C5orf24: variants seen among roughly 807,000 people sequenced by gnomAD.
The protein encoded by C5orf24 is chromosome 5 open reading frame 24, also known as UPF0461 protein C5orf24.
A neutral mutation model predicts 9.8 loss-of-function variants in C5orf24; 4 were observed. That is an observed-to-expected ratio of 0.41 (90% CI 0.20 to 0.93). C5orf24 has a LOEUF of 0.93. C5orf24 is among the 40% of genes least tolerant of loss of function. The pLI, the probability that C5orf24 is intolerant of heterozygous loss-of-function variation, is 0.33. For synonymous variants in C5orf24, 73 were observed against 81.3 expected, an observed-to-expected ratio of 0.90 and a Z score of 0.55; for missense variants, 170 against 236.9, an observed-to-expected ratio of 0.72 and a Z score of 1.85.
At chr5:134,851,128 A>G (rs995839955) in intron 1 of C5orf24, among the ~76,000 whole-genome samples, 5 of 150,796 alleles carry the variant, frequency 3.3e-5, no homozygotes, top group Admixed American at 2.7e-4. Flanking sequence ...GGGTTTTGCC[A>G]TTTTGGCCAA....
chr5:134,841,903 G>A (rs966591947), upstream of C5orf24, among the ~76,000 whole-genome samples: 2 of 152,080 alleles, frequency 1.3e-5, no homozygotes, highest in Admixed American at 6.6e-5. Flanking sequence ...AACTAAATGA[G>A]CACCTTATAG....
At chr5:134,840,684 C>T (rs1192255694), upstream of C5orf24, among the ~76,000 whole-genome samples, 1 of 152,076 alleles carries the variant, frequency 6.6e-6, no homozygotes, top group African/African-American at 2.4e-5. Context: ...CAGGCATGTG[C>T]CACCATGCCT....
intron 1 of C5orf24, among the ~76,000 whole-genome samples, chr5:134,853,236 CT>C (rs1209034333): frequency 5.3e-5 from 8 of 151,802 alleles, no homozygotes; most frequent in African/African-American, 1.7e-4. Context: ...TGGCACATGC[CT>C]GTAATCCCAG....
At chr5:134,837,009 T>C in the C5orf24 span, among the ~76,000 whole-genome samples, 1 of 152,078 alleles carries the variant, frequency 6.6e-6, no homozygotes, top group Non-Finnish European at 1.5e-5. Flanking sequence ...GTTTCACTCT[T>C]GTTGCCCAGG....
intron 1 of C5orf24, among the ~76,000 whole-genome samples, chr5:134,852,098 G>A (rs2150174774): frequency 6.6e-6 from 1 of 152,220 alleles, no homozygotes; most frequent in East Asian, 1.9e-4. Context: ...GTGCCATCAC[G>A]CCCAGCTAAT....
chr5:134,833,806 C>T, the C5orf24 span, among the ~76,000 whole-genome samples: 5 of 152,136 alleles, frequency 3.3e-5, no homozygotes, highest in African/African-American at 1.2e-4. Flanking sequence ...TTTGGTTTAG[C>T]TGCTATGTGT....
chr5:134,836,469 G>T, the C5orf24 span, among the ~76,000 whole-genome samples: 4 of 149,540 alleles, frequency 2.7e-5, no homozygotes, highest in South Asian at 2.1e-4. Flanking sequence ...CACTGGGCCC[G>T]CCTGGCCTTA....
At chr5:134,843,064 C>A (rs1198508859), upstream of C5orf24, among the ~76,000 whole-genome samples, 1 of 151,908 alleles carries the variant, frequency 6.6e-6, no homozygotes, top group South Asian at 2.1e-4. Flanking sequence ...GCAACCTCCA[C>A]CTCTGGGGTT....
chr5:134,845,224 G>A (rs1366402348), upstream of C5orf24, among the ~76,000 whole-genome samples: 3 of 152,168 alleles, frequency 2.0e-5, no homozygotes, highest in Non-Finnish European at 4.4e-5. Context: ...GCTCAGGGCT[G>A]TGCTTATGGT....
At chr5:134,840,209 C>T in the C5orf24 span, among the ~76,000 whole-genome samples, 556 of 148,942 alleles carry the variant, frequency 3.7e-3, 7 homozygotes, top group African/African-American at 0.013. Context: ...CGGGAGGCTG[C>T]GGCAGGGGAA....
At position 134,859,506 on chromosome 5, in the gene C5orf24, TTTC is replaced by T. The variant is rs1282689301; in HGVS notation, c.*4042_*4044del. ...CTTTGATTCTTTTAAGTTTTCAGAA[TTTC>T]TTTTTTCCACAGGTAATTTTGGAGA... On this transcript the variant is annotated 3_prime_UTR_variant, in exon 2 of 2. Coordinates refer to ENST00000394976, the MANE Select transcript of C5orf24 (RefSeq NM_001135586.1). 1.8e-5 allele frequency: 3 copies of T among 167,048 alleles called. No individual in the cohort carries two copies. Among genetic ancestry groups the T allele is most frequent in the Non-Finnish European group, 4.4e-5 (3 of 68,122 alleles). 10.3% of individuals were successfully genotyped at this position (167,048 alleles called of 1,614,324 possible).
At position 134,847,860 on chromosome 5, in the gene C5orf24, T is replaced by A. The variant is rs142140083; in HGVS notation, c.-4+1648T>A. ...AGTTACAGGCACCCGCCACCATGCC[T>A]GACTAATTTTTTGGATTTTTAGAGA... On this transcript the variant is annotated intron_variant, in intron 1 of 1. Coordinates refer to ENST00000394976, the MANE Select transcript of C5orf24 (RefSeq NM_001135586.1). Among the ~76,000 whole-genome samples, 5 of 152,198 alleles carry A rather than the reference T, an allele frequency of 3.3e-5. No homozygotes were observed. The East Asian group carries it at 7.8e-4, about 24-fold the overall frequency.
Position 134,846,020 on chromosome 5 carries a change from G to GCGCGGCGGC in C5orf24, c.-187_-179dup, listed in dbSNP as rs935587305. 4 of 152,342 alleles carry GCGCGGCGGC rather than the reference G, an allele frequency of 2.6e-5. No individual in the cohort carries two copies. Among genetic ancestry groups the GCGCGGCGGC allele is most frequent in the South Asian group, 4.1e-4 (2 of 4,836 alleles). 9.4% of individuals were successfully genotyped at this position (152,342 alleles called of 1,614,324 possible). On this transcript the variant is annotated 5_prime_UTR_variant, in exon 1 of 2. Coordinates refer to ENST00000394976, the MANE Select transcript of C5orf24 (RefSeq NM_001135586.1). ...CGTACTGCGTCCGGGGCAGGACCGT[G>GCGCGGCGGC]CGCGGCGGCCGCGGCGGGTGCTGGG...
chr5:134,854,468 A>AAGGCCAACAGGAGGCATTCTAAGAACATC (rs1257969829), intron 1 of C5orf24, among the ~76,000 whole-genome samples: 1 of 152,248 alleles, frequency 6.6e-6, no homozygotes, highest in Non-Finnish European at 1.5e-5. Flanking sequence ...AATACAATAA[A>AAGGCCAACAGGAGGCATTCTAAGAACATC]AGGCCAACAG....
At chr5:134,847,879 T>C (rs1297567336) in intron 1 of C5orf24, among the ~76,000 whole-genome samples, 1 of 152,132 alleles carries the variant, frequency 6.6e-6, no homozygotes, top group East Asian at 1.9e-4. Context: ...TTTTGGATTT[T>C]TAGAGAGAGG....
chr5:134,849,824 ATTTTTGTAT>A (rs1217829493), intron 1 of C5orf24, among the ~76,000 whole-genome samples: 1 of 151,376 alleles, frequency 6.6e-6, no homozygotes, highest in African/African-American at 2.4e-5. Flanking sequence ...TGCCCAGCTA[ATTTTTGTAT>A]TTTTTGTAGT....
At position 134,858,204 on chromosome 5, in the gene C5orf24, G is replaced by A. The variant is rs1231234259; in HGVS notation, c.*2737G>A. 1.2e-5 allele frequency: 2 copies of A among 167,012 alleles called. No individual in the cohort carries two copies. The highest frequency in any genetic ancestry group is 2.9e-5 in the Non-Finnish European group (2 of 68,110). 10.3% of individuals were successfully genotyped at this position (167,012 alleles called of 1,614,324 possible). ...AGCCGAATTTACTGTTCATCTGAGC[G>A]GTTACCTGGAGTATTATATCTATGC... is the stretch of plus-strand genomic sequence containing the variant. On this transcript the variant is annotated 3_prime_UTR_variant, in exon 2 of 2. Transcript: ENST00000394976.
chr5:134,845,168 A>G (rs1038804091), upstream of C5orf24, among the ~76,000 whole-genome samples: 2 of 152,152 alleles, frequency 1.3e-5, no homozygotes, highest in African/African-American at 4.8e-5. Context: ...TTTGTCCAGA[A>G]AAGTTGTTTC....
chr5:134,849,623 A>T (rs999427130), intron 1 of C5orf24, among the ~76,000 whole-genome samples: 1 of 144,176 alleles, frequency 6.9e-6, no homozygotes, highest in African/African-American at 2.6e-5. Flanking sequence ...GAAGCCCTGC[A>T]CTTCAGAAAT....
Sources: allele counts gnomAD v4.1 joint callset (sites outside exome capture counted in the v4.1 genomes callset), GRCh38; gene constraint gnomAD v4.1.1; transcripts MANE v1.5; gene names NCBI Gene and HGNC (gene_info 2026-07-23, HGNC 2026-07-21).